Variants in GRM7 observed in about 807,000 individuals in gnomAD.
GRM7 encodes metabotropic glutamate receptor 7.
Under a neutral mutation model 84.5 loss-of-function variants are expected in GRM7, and 35 were observed. The ratio of observed to expected loss-of-function variants is 0.41; its 90% CI spans 0.32 to 0.55. The LOEUF (loss-of-function observed/expected upper bound fraction) is 0.55, where lower values mean the gene tolerates loss of function less well. GRM7 is among the 20% of genes least tolerant of loss of function. The pLI is 0.19. For synonymous variants in GRM7, 487 were observed against 455.1 expected, an observed-to-expected ratio of 1.07 and a Z score of -0.89; for missense variants, 1,003 against 1,194.6, an observed-to-expected ratio of 0.84 and a Z score of 2.36.
intron 1 of GRM7, among the ~76,000 whole-genome samples, chr3:6,899,511 A>C (rs1696311375): frequency 6.6e-6 from 1 of 152,188 alleles, no homozygotes; most frequent in Non-Finnish European, 1.5e-5. Flanking sequence ...AGAGGTCAAA[A>C]GGAGAGGCAG....
chr3:7,398,213 T>C (rs1040822735), intron 4 of GRM7, among the ~76,000 whole-genome samples: 7 of 152,192 alleles, frequency 4.6e-5, no homozygotes, highest in African/African-American at 1.7e-4. Flanking sequence ...TGGCTCAGAA[T>C]TGCTTCAAAA....
intron 1 of GRM7, among the ~76,000 whole-genome samples, chr3:7,028,792 A>G (rs1216085174): frequency 2.6e-5 from 4 of 152,220 alleles, no homozygotes; most frequent in Non-Finnish European, 4.4e-5. Context: ...AATAAAAAAG[A>G]CTGACCACAC....
At chr3:7,706,453 A>G (rs532261505) in intron 9 of GRM7, among the ~76,000 whole-genome samples, 7 of 152,218 alleles carry the variant, frequency 4.6e-5, no homozygotes, top group South Asian at 2.1e-4. Flanking sequence ...TGGAGGGAAG[A>G]TTTTTCGAAA....
intron 3 of GRM7, 21 bp from the exon 4 acceptor site, chr3:7,306,477 T>A: frequency 1.2e-6 from 2 of 1,609,042 alleles, no homozygotes; most frequent in Non-Finnish European, 1.7e-6. Flanking sequence ...TTAATATAAC[T>A]TTCCATATTT....
chr3:7,194,914 C>T (rs1214635228), intron 2 of GRM7, among the ~76,000 whole-genome samples: 1 of 152,116 alleles, frequency 6.6e-6, no homozygotes, highest in East Asian at 1.9e-4. Flanking sequence ...CTATGATAGT[C>T]TATCTTACCT....
At chr3:6,890,182 G>C (rs915072697) in intron 1 of GRM7, among the ~76,000 whole-genome samples, 35 of 152,196 alleles carry the variant, frequency 2.3e-4, no homozygotes, top group African/African-American at 7.7e-4. Context: ...CAAAAAACCA[G>C]CTCCTAGATT....
chr3:7,725,700 T>C (rs997969000), intron 9 of GRM7, among the ~76,000 whole-genome samples: 1 of 152,226 alleles, frequency 6.6e-6, no homozygotes, highest in Non-Finnish European at 1.5e-5. Flanking sequence ...GAGGATAAGC[T>C]GACAAGTTCC....
At chr3:7,451,349 T>A (rs1255701396) in intron 5 of GRM7, among the ~76,000 whole-genome samples, 3 of 152,168 alleles carry the variant, frequency 2.0e-5, no homozygotes, top group Non-Finnish European at 4.4e-5. Context: ...ATATTGACAG[T>A]GCTATAAGCA....
At chr3:7,146,346 T>C (rs9868134) in intron 1 of GRM7, 106 bp from the exon 2 acceptor site, 174,180 of 853,662 alleles carry the variant, frequency 0.2, 19,999 homozygotes, top group African/African-American at 0.42. Flanking sequence ...AACATGTATC[T>C]CCTTTGCAGC....
At chr3:7,714,357 G>A (rs1314440026) in intron 9 of GRM7, among the ~76,000 whole-genome samples, 1 of 152,174 alleles carries the variant, frequency 6.6e-6, no homozygotes, top group African/African-American at 2.4e-5. Flanking sequence ...ACAGTCATGT[G>A]AAAAGTGCCA....
At chr3:6,913,715 A>T (rs1042486883) in intron 1 of GRM7, among the ~76,000 whole-genome samples, 4 of 152,180 alleles carry the variant, frequency 2.6e-5, no homozygotes, top group Non-Finnish European at 4.4e-5. Flanking sequence ...GTTTTAGAGT[A>T]CGCACAGTTT....
intron 4 of GRM7, among the ~76,000 whole-genome samples, chr3:7,316,582 A>G (rs1253636522): frequency 6.6e-6 from 1 of 152,170 alleles, no homozygotes; most frequent in African/African-American, 2.4e-5. Context: ...TATAAGAATG[A>G]CTGCAAGGTT....
Position 6,865,181 on chromosome 3 carries a change from T to C in GRM7, c.519+3274T>C, listed in dbSNP as rs543885771. Among the ~76,000 whole-genome samples the C allele has an allele frequency of 4.6e-5, 7 of 152,292 alleles. No homozygotes were observed. The East Asian group carries it at 1.2e-3, about 25-fold the overall frequency. On this transcript the variant is annotated intron_variant, in intron 1 of 9. Coordinates refer to ENST00000357716, the MANE Select transcript of GRM7 (RefSeq NM_000844.4). ...ATTTCTGGAGATTTGTTCCTAAGCT[T>C]GCGCAAAATAATACTCTCCTAATGC... is the stretch of plus-strand genomic sequence containing the variant.
chr3:7,166,757 C>T (rs1189520408), intron 2 of GRM7, among the ~76,000 whole-genome samples: 1 of 152,154 alleles, frequency 6.6e-6, no homozygotes, highest in African/African-American at 2.4e-5. Flanking sequence ...AATGATTCTG[C>T]TTGAATCAGT....
chr3:7,279,827 C>G (rs1320332367), intron 2 of GRM7, among the ~76,000 whole-genome samples: 1 of 152,124 alleles, frequency 6.6e-6, no homozygotes, highest in Non-Finnish European at 1.5e-5. Flanking sequence ...GAGACACTTA[C>G]AGTCATTGAA....
chr3:7,436,164 C>T (rs547618941), intron 5 of GRM7, among the ~76,000 whole-genome samples: 2 of 152,152 alleles, frequency 1.3e-5, no homozygotes, highest in Admixed American at 6.5e-5. Flanking sequence ...TTTTATTAAC[C>T]TTATAAAAAT....
intron 2 of GRM7, among the ~76,000 whole-genome samples, chr3:7,256,623 A>C (rs934616920): frequency 3.2e-4 from 46 of 142,652 alleles, no homozygotes; most frequent in African/African-American, 1.4e-3. Context: ...CTATGCACAC[A>C]CACACACATG....
intron 1 of GRM7, among the ~76,000 whole-genome samples, chr3:6,889,381 C>T (rs1333932541): frequency 2.0e-5 from 3 of 151,576 alleles, no homozygotes; most frequent in African/African-American, 7.3e-5. Flanking sequence ...TCATAGATAG[C>T]TCTTATTATT....
Position 6,890,024 on chromosome 3 carries a change from G to A in GRM7, c.519+28117G>A, listed in dbSNP as rs983764136. ...GATTTTCTAGTTTATTTGCGTAGAG[G>A]TGTTTGTAGTATTCTCTGATGGTAG... On this transcript the variant is annotated intron_variant, in intron 1 of 9. Coordinates refer to ENST00000357716, the MANE Select transcript of GRM7 (RefSeq NM_000844.4). 6.4e-4 allele frequency among the ~76,000 whole-genome samples: 97 copies of A among 152,256 alleles called. 2 individuals carry two copies. Among genetic ancestry groups the A allele is most frequent in the African/African-American group, 2.2e-3 (90 of 41,542 alleles).
Sources: allele counts gnomAD v4.1 joint callset (sites outside exome capture counted in the v4.1 genomes callset), GRCh38; gene constraint gnomAD v4.1.1; transcripts MANE v1.5; gene names NCBI Gene and HGNC (gene_info 2026-07-23, HGNC 2026-07-21).